The following B3GALT1 variants were observed in gnomAD, a reference collection of about 807,000 sequenced individuals.
B3GALT1 encodes UDP-Gal:betaGlcNAc beta 1,3-galactosyltransferase, polypeptide 1.
Under a neutral mutation model 23.2 loss-of-function variants are expected in B3GALT1, and 10 were observed. The ratio of observed to expected loss-of-function variants is 0.43; its 90% CI spans 0.27 to 0.73. B3GALT1 has a LOEUF of 0.73. Ranked by LOEUF, B3GALT1 falls within the 30% of genes least tolerant of loss-of-function variation. B3GALT1 has a pLI of 0.21. For missense variants in B3GALT1, 299 were observed against 405.4 expected, an observed-to-expected ratio of 0.74 and a Z score of 2.25; for synonymous variants, 156 against 141.5, an observed-to-expected ratio of 1.10 and a Z score of -0.73.
At chr2:167,681,141 A>G (rs933586965) in intron 3 of B3GALT1, among the ~76,000 whole-genome samples, 2 of 152,160 alleles carry the variant, frequency 1.3e-5, no homozygotes, top group African/African-American at 4.8e-5. Flanking sequence ...GCTCATGTCA[A>G]CCGCGCTGCA....
chr2:167,809,623 C>T (rs1266180922), intron 3 of B3GALT1, among the ~76,000 whole-genome samples: 2 of 152,192 alleles, frequency 1.3e-5, no homozygotes, highest in African/African-American at 4.8e-5. Context: ...GCAGATGTTG[C>T]TGCCTGATCG....
intron 1 of B3GALT1, among the ~76,000 whole-genome samples, chr2:167,350,771 T>A (rs546666322): frequency 6.6e-6 from 1 of 152,148 alleles, no homozygotes; most frequent in African/African-American, 2.4e-5. Flanking sequence ...GACCTACACA[T>A]TGCAAGGAGC....
At chr2:167,841,750 GAT>G (rs1335094040) in intron 4 of B3GALT1, among the ~76,000 whole-genome samples, 1 of 152,144 alleles carries the variant, frequency 6.6e-6, no homozygotes, top group Admixed American at 6.5e-5. Flanking sequence ...CCCTAACCAA[GAT>G]ACTAGAAATC....
rs1690307968 is a variant in B3GALT1 at position 167,869,862 on chromosome 2, C to T, written c.823C>T (p.Leu275=). The change falls in exon 5 of 5, where the codon CTG becomes TTG. Residue 275 remains leucine, a synonymous_variant. Coordinates refer to ENST00000392690, the MANE Select transcript of B3GALT1 (RefSeq NM_020981.4). The surrounding 1 kb of genome is among the most constrained non-coding windows in gnomAD (Gnocchi z 6.4). ...ATATGTGGGACTGTGTCTTCGAAAG[C>T]TGGGCATACATCCTTTCCAGAACAG... The part of the protein sequence containing the change: ...DVYVGLCLRK[L]GIHPFQNSGF... 1 of 1,614,056 alleles carries T rather than the reference C, an allele frequency of 6.2e-7. No individual in the cohort carries two copies. Among genetic ancestry groups the T allele is most frequent in the African/African-American group, 1.3e-5 (1 of 74,898 alleles).
intron 2 of B3GALT1, among the ~76,000 whole-genome samples, chr2:167,557,892 C>T (rs1485935032): frequency 6.6e-6 from 1 of 152,214 alleles, no homozygotes; most frequent in African/African-American, 2.4e-5. Flanking sequence ...TATATTCAGT[C>T]TAAACCTTTG....
chr2:167,448,043 C>G (rs1183791250), intron 1 of B3GALT1, among the ~76,000 whole-genome samples: 1 of 152,168 alleles, frequency 6.6e-6, no homozygotes, highest in Non-Finnish European at 1.5e-5. Context: ...ATTTGAGCTG[C>G]TTCCATGTTT....
intron 3 of B3GALT1, among the ~76,000 whole-genome samples, chr2:167,766,251 T>C (rs370665639): frequency 1.3e-5 from 2 of 152,092 alleles, no homozygotes; most frequent in African/African-American, 4.8e-5. Context: ...AATTCAGTGA[T>C]CTGAATGCAC....
intron 3 of B3GALT1, among the ~76,000 whole-genome samples, chr2:167,757,643 G>A (rs994474484): frequency 1.8e-4 from 27 of 152,092 alleles, no homozygotes; most frequent in African/African-American, 4.6e-4. Context: ...GGACAGGACT[G>A]ATCACAATCT....
chr2:167,454,395 G>A (rs755827496), intron 1 of B3GALT1, among the ~76,000 whole-genome samples: 2 of 152,094 alleles, frequency 1.3e-5, no homozygotes, highest in African/African-American at 4.8e-5. Context: ...TTTTCCTTTC[G>A]CTCCGTTACC....
Position 167,825,419 on chromosome 2 carries a change from C to G in B3GALT1, c.-230+6626C>G, listed in dbSNP as rs556389197. Among the ~76,000 whole-genome samples the G allele has an allele frequency of 4.7e-5, 7 of 148,310 alleles. No homozygotes were observed. In the East Asian group the frequency reaches 1.4e-3, roughly 29 times the overall value. On this transcript the variant is annotated intron_variant, in intron 4 of 4. Transcript: ENST00000392690. ...TCAGGGCTCTCCAGAGAGAAAGAAC[C>G]AATAAGATATATGCAGGGGTGTGTG...
chr2:167,615,706 T>C (rs1410687796), intron 2 of B3GALT1, among the ~76,000 whole-genome samples: 1 of 152,100 alleles, frequency 6.6e-6, no homozygotes, highest in African/African-American at 2.4e-5. Flanking sequence ...AGAATACTAA[T>C]ATCTCTAATA....
intron 3 of B3GALT1, among the ~76,000 whole-genome samples, chr2:167,678,637 G>T (rs11695397): frequency 0.75 from 113,529 of 152,058 alleles, 42,834 homozygotes; most frequent in East Asian, 0.96. Flanking sequence ...ACTCAAAAAT[G>T]TATTAAATGT....
intron 2 of B3GALT1, among the ~76,000 whole-genome samples, chr2:167,616,435 G>T (rs1471556521): frequency 1.3e-5 from 2 of 152,034 alleles, no homozygotes; most frequent in Non-Finnish European, 2.9e-5. Flanking sequence ...AGGCACGGTG[G>T]CTCACACATG....
At chr2:167,363,636 A>T (rs10930268) in intron 1 of B3GALT1, among the ~76,000 whole-genome samples, 122,901 of 152,036 alleles carry the variant, frequency 0.81, 51,462 homozygotes, top group East Asian at 0.92. Context: ...CATCTGTGGA[A>T]CCAAATTAAG....
chr2:167,365,509 T>G (rs972384746), intron 1 of B3GALT1, among the ~76,000 whole-genome samples: 3 of 151,862 alleles, frequency 2.0e-5, no homozygotes, highest in Non-Finnish European at 4.4e-5. Flanking sequence ...ACCCCTAGTT[T>G]GCAAGATGCC....
In B3GALT1 at chr2:167,357,030, G is replaced by GTGTA. The variant is rs1344180992; in HGVS notation, c.-511+63697_-511+63698insGTAT. Among the ~76,000 whole-genome samples, 307 of 151,170 alleles carry GTGTA rather than the reference G, an allele frequency of 2.0e-3. 2 individuals are homozygous for GTGTA. Among genetic ancestry groups the GTGTA allele is most frequent in the South Asian group, 0.014 (65 of 4,792 alleles). ...TTTCCCAGTTTGTATGTGTGTGTGT[G>GTGTA]TATATATATATATGTATGTGTGACA... On this transcript the variant is annotated intron_variant, in intron 1 of 4. Transcript: ENST00000392690.
intron 1 of B3GALT1, among the ~76,000 whole-genome samples, chr2:167,479,327 A>G (rs887080466): frequency 2.6e-5 from 4 of 152,182 alleles, no homozygotes; most frequent in Non-Finnish European, 5.9e-5. Flanking sequence ...TAATGTATTC[A>G]GTTACTAATT....
chr2:167,303,310 C>T (rs1696481595), intron 1 of B3GALT1, among the ~76,000 whole-genome samples: 1 of 152,070 alleles, frequency 6.6e-6, no homozygotes, highest in African/African-American at 2.4e-5. Flanking sequence ...TAAAAATTCT[C>T]CCTCTCGTAT....
intron 4 of B3GALT1, among the ~76,000 whole-genome samples, chr2:167,844,433 G>A (rs1689713224): frequency 6.6e-6 from 1 of 152,198 alleles, no homozygotes; most frequent in African/African-American, 2.4e-5. Context: ...TGCCCCAACT[G>A]CGGTAGTGGG....
Sources: allele counts gnomAD v4.1 joint callset (sites outside exome capture counted in the v4.1 genomes callset), GRCh38; gene constraint gnomAD v4.1.1; non-coding constraint Gnocchi (gnomAD v3.1); transcripts MANE v1.5; gene names NCBI Gene and HGNC (gene_info 2026-07-23, HGNC 2026-07-21).